NLGN1: variants seen among roughly 807,000 people sequenced by gnomAD.
NLGN1 encodes neuroligin-1.
NLGN1 carries 12 observed loss-of-function variants against 65.5 expected under a neutral mutation model. The observed-to-expected ratio is 0.18, with a 90% CI of 0.12 to 0.30. The LOEUF (loss-of-function observed/expected upper bound fraction) is 0.30, where lower values mean the gene tolerates loss of function less well. Among genes scored for constraint, NLGN1 ranks in the 10% least tolerant of loss-of-function variants. The pLI is 1.00. For synonymous variants in NLGN1, 350 were observed against 359.5 expected, an observed-to-expected ratio of 0.97 and a Z score of 0.30; for missense variants, 750 against 1,007.1, an observed-to-expected ratio of 0.74 and a Z score of 3.46.
intron 4 of NLGN1, among the ~76,000 whole-genome samples, chr3:174,112,109 T>G (rs1233841853): frequency 2.6e-5 from 4 of 151,732 alleles, no homozygotes; most frequent in Non-Finnish European, 5.9e-5. Flanking sequence ...AATTACCAAA[T>G]TAATATAGAG....
At chr3:173,578,491 C>G (rs1027390508) in intron 2 of NLGN1, among the ~76,000 whole-genome samples, 2 of 152,130 alleles carry the variant, frequency 1.3e-5, no homozygotes, top group African/African-American at 4.8e-5. Context: ...CTAAAAATTT[C>G]TCTTTCCATC....
At chr3:174,020,611 A>T (rs1362444525) in intron 4 of NLGN1, among the ~76,000 whole-genome samples, 2 of 152,120 alleles carry the variant, frequency 1.3e-5, no homozygotes, top group Non-Finnish European at 2.9e-5. Context: ...ATAAATTTAT[A>T]AAGGATTAAT....
intron 4 of NLGN1, among the ~76,000 whole-genome samples, chr3:174,204,265 AC>A (rs577620108): frequency 6.0e-4 from 91 of 152,212 alleles, no homozygotes; most frequent in Non-Finnish European, 1.1e-3. Flanking sequence ...TTCTTTAAAA[AC>A]AATTAATCAG....
chr3:174,149,217 G>A (rs1223035247), intron 4 of NLGN1, among the ~76,000 whole-genome samples: 1 of 152,074 alleles, frequency 6.6e-6, no homozygotes, highest in Admixed American at 6.6e-5. Context: ...TGTCCCCCAA[G>A]GTTTCATTGG....
At chr3:173,656,262 T>C (rs543019347) in intron 3 of NLGN1, among the ~76,000 whole-genome samples, 1 of 152,220 alleles carries the variant, frequency 6.6e-6, no homozygotes, top group South Asian at 2.1e-4. Flanking sequence ...AAATTTTGTT[T>C]TGAGCTTGCT....
At chr3:173,746,810 A>G (rs1218543691) in intron 3 of NLGN1, among the ~76,000 whole-genome samples, 1 of 151,984 alleles carries the variant, frequency 6.6e-6, no homozygotes, top group Admixed American at 6.6e-5. Context: ...TGGGAGGCTG[A>G]GGCAAGAGGA....
At chr3:173,711,791 T>C (rs1769033976) in intron 3 of NLGN1, among the ~76,000 whole-genome samples, 3 of 152,246 alleles carry the variant, frequency 2.0e-5, no homozygotes, top group South Asian at 4.2e-4. Flanking sequence ...GCCCAGTTAC[T>C]GAAGGAGGTA....
intron 4 of NLGN1, among the ~76,000 whole-genome samples, chr3:173,976,997 A>G (rs1044287901): frequency 6.6e-6 from 1 of 152,036 alleles, no homozygotes; most frequent in African/African-American, 2.4e-5. Flanking sequence ...AATGCCTACC[A>G]TGTGCCAGGC....
At chr3:173,625,315 G>A (rs1754650212) in intron 3 of NLGN1, among the ~76,000 whole-genome samples, 1 of 151,956 alleles carries the variant, frequency 6.6e-6, no homozygotes, top group African/African-American at 2.4e-5. Flanking sequence ...AGTATTTTAT[G>A]ATTGTACCTA....
intron 4 of NLGN1, among the ~76,000 whole-genome samples, chr3:174,274,408 C>T (rs946818647): frequency 6.6e-6 from 1 of 151,764 alleles, no homozygotes; most frequent in Non-Finnish European, 1.5e-5. Flanking sequence ...ATATGTAAAA[C>T]AGTTACTCAG....
chr3:173,824,114 A>C (rs1288379121), intron 4 of NLGN1, among the ~76,000 whole-genome samples: 1 of 152,114 alleles, frequency 6.6e-6, no homozygotes, highest in Admixed American at 6.6e-5. Context: ...AACACATTTA[A>C]GGAGCAGTTC....
intron 4 of NLGN1, among the ~76,000 whole-genome samples, chr3:174,199,281 C>G (rs1246201790): frequency 6.6e-6 from 1 of 151,888 alleles, no homozygotes; most frequent in Non-Finnish European, 1.5e-5. Flanking sequence ...AAGAATAACA[C>G]ATACCCCGTA....
At chr3:174,209,441 A>G (rs987328899) in intron 4 of NLGN1, among the ~76,000 whole-genome samples, 1 of 152,078 alleles carries the variant, frequency 6.6e-6, no homozygotes, top group Non-Finnish European at 1.5e-5. Flanking sequence ...CGTATTTTCC[A>G]GTGGGTATCT....
chr3:173,411,237 A>G (rs1712475444), intron 1 of NLGN1, among the ~76,000 whole-genome samples: 1 of 152,244 alleles, frequency 6.6e-6, no homozygotes, highest in African/African-American at 2.4e-5. Flanking sequence ...TGGCTGACCT[A>G]GAAGTCAGAT....
chr3:174,034,082 T>G (rs1430300388), intron 4 of NLGN1, among the ~76,000 whole-genome samples: 1 of 152,074 alleles, frequency 6.6e-6, no homozygotes, highest in African/African-American at 2.4e-5. Flanking sequence ...AAACACTTTA[T>G]GTATAGAGGA....
intron 2 of NLGN1, among the ~76,000 whole-genome samples, chr3:173,445,523 A>G (rs374768096): frequency 9.2e-5 from 14 of 152,338 alleles, no homozygotes; most frequent in African/African-American, 2.4e-4. Flanking sequence ...TAGCTAGTAC[A>G]TGGCTGAACT....
intron 3 of NLGN1, among the ~76,000 whole-genome samples, chr3:173,708,909 T>C (rs923598573): frequency 2.6e-5 from 4 of 152,234 alleles, no homozygotes; most frequent in African/African-American, 9.6e-5. Context: ...ACCAATGCGT[T>C]ATTCGGTATA....
intron 4 of NLGN1, among the ~76,000 whole-genome samples, chr3:173,859,908 C>T (rs750554211): frequency 8.6e-5 from 13 of 151,892 alleles, no homozygotes; most frequent in Non-Finnish European, 1.6e-4. Context: ...TGCTCTAGTA[C>T]GCTTTCATTT....
At chr3:173,807,920 G>C in intron 4 of NLGN1, 88 bp downstream of exon 4, 1 of 1,353,430 alleles carries the variant, frequency 7.4e-7, no homozygotes, top group Non-Finnish European at 1.0e-6. Context: ...GCTTTGCTTT[G>C]TTTCACCCAT....
Sources: allele counts gnomAD v4.1 joint callset (sites outside exome capture counted in the v4.1 genomes callset), GRCh38; gene constraint gnomAD v4.1.1; transcripts MANE v1.5; gene names NCBI Gene and HGNC (gene_info 2026-07-23, HGNC 2026-07-21).